MARS1: variants seen among roughly 807,000 people sequenced by gnomAD.
The protein encoded by MARS1 is methionine--tRNA ligase, cytoplasmic.
In MARS1, 80 loss-of-function variants were observed where a neutral mutation model predicts 119.5. The ratio of observed to expected loss-of-function variants is 0.67; its 90% CI spans 0.56 to 0.81. The LOEUF (loss-of-function observed/expected upper bound fraction) is 0.81, where lower values mean the gene tolerates loss of function less well. MARS1 is among the 30% of genes least tolerant of loss of function. The pLI is 0.00. For missense variants in MARS1, 945 were observed against 1,116.5 expected (o/e 0.85, Z 2.19); for synonymous variants, 418 against 433.4 (o/e 0.96, Z 0.44).
intron 7 of MARS1, among the ~76,000 whole-genome samples, chr12:57,495,101 C>G (rs1208687857): frequency 4.1e-5 from 6 of 146,928 alleles, no homozygotes; most frequent in Non-Finnish European, 9.0e-5. Context: ...GGTGCCCCCC[C>G]ACCTCCCGGG....
At chr12:57,489,190 A>T in intron 2 of MARS1, 77 bp from the exon 3 acceptor site, 1 of 1,599,284 alleles carries the variant, frequency 6.3e-7, no homozygotes, top group Non-Finnish European at 8.6e-7. Context: ...ATTTGCAGCC[A>T]TTGTTTCCCT....
At chr12:57,515,490 G>A (rs757238309) in intron 18 of MARS1, 154 bp downstream of exon 18, 9 of 698,180 alleles carry the variant, frequency 1.3e-5, no homozygotes, top group Non-Finnish European at 1.9e-5. Context: ...TCACAAGTCC[G>A]GAATTATCTG....
chr12:57,509,424 T>G (rs1335187656), intron 11 of MARS1, among the ~76,000 whole-genome samples: 1 of 152,198 alleles, frequency 6.6e-6, no homozygotes, highest in East Asian at 1.9e-4. Flanking sequence ...GTTTGTTTGT[T>G]TTGAGACAGG....
intron 10 of MARS1, among the ~76,000 whole-genome samples, chr12:57,502,499 G>T (rs1283783162): frequency 6.6e-6 from 1 of 151,864 alleles, no homozygotes; most frequent in Non-Finnish European, 1.5e-5. Context: ...CTGAGGTCAG[G>T]AGTTCAGACC....
chr12:57,512,944 C>T lies in MARS1; in HGVS notation c.1947C>T (p.Asn649=). ...AGAATAATTCTGAGCTGCTTAACAA[C>T]CTGGGCAACTTCATCAACAGGTAGG... ...LLKNNSELLN[N]LGNFINRAGM... The change falls in exon 15 of 21, where the codon AAC becomes AAT. Residue 649 remains asparagine (N), a synonymous_variant. Coordinates refer to ENST00000262027, the MANE Select transcript of MARS1 (RefSeq NM_004990.4). The T allele has an allele frequency of 1.2e-6, 2 of 1,614,174 alleles. No individual in the cohort carries two copies. Among genetic ancestry groups the T allele is most frequent in the Non-Finnish European group, 1.7e-6 (2 of 1,180,032 alleles).
At chr12:57,491,722 C>A (rs1875970432) in intron 7 of MARS1, among the ~76,000 whole-genome samples, 1 of 152,158 alleles carries the variant, frequency 6.6e-6, no homozygotes, top group East Asian at 1.9e-4. Flanking sequence ...GGCTCAGTAA[C>A]ATATTTTGTC....
intron 7 of MARS1, among the ~76,000 whole-genome samples, chr12:57,495,958 C>T (rs542554153): frequency 1.2e-4 from 18 of 152,342 alleles, no homozygotes; most frequent in African/African-American, 3.4e-4. Context: ...CAGTACAGTC[C>T]GGCCTCGGCT....
chr12:57,490,906 C>T (rs1317370755), intron 7 of MARS1, among the ~76,000 whole-genome samples: 5 of 112,548 alleles, frequency 4.4e-5, no homozygotes, highest in African/African-American at 1.0e-4. Context: ...GGCGGAGTTT[C>T]GCTCTTGTTG....
rs771966153 is a variant in MARS1, at chr12:57,490,615, G to A, written c.741G>A (p.Leu247=). 1 of 1,614,008 alleles carries A rather than the reference G, an allele frequency of 6.2e-7. No individual in the cohort carries two copies. Among genetic ancestry groups the A allele is most frequent in the South Asian group, 1.1e-5 (1 of 91,078 alleles). Residue 247 remains leucine (L), a synonymous_variant, in exon 7 of 21, where the codon TTG becomes TTA. Coordinates refer to ENST00000262027, the MANE Select transcript of MARS1 (RefSeq NM_004990.4). ...CTTGGGAGAAGGGCCTAGAAAGTTT[G>A]CCCCCGCTGCGGCCCCAGCAGAATC... ...VTAWEKGLES[L]PPLRPQQNPV... is the part of the protein sequence containing the mutation.
intron 10 of MARS1, chr12:57,504,022 A>C: frequency 1.7e-6 from 1 of 584,462 alleles, no homozygotes; most frequent in South Asian, 2.0e-5. Context: ...AGAGATCTGA[A>C]ACTCTGAGAA....
intron 15 of MARS1, 105 bp from the exon 16 acceptor site, chr12:57,514,615 C>A: frequency 1.4e-6 from 2 of 1,432,114 alleles, no homozygotes; most frequent in Non-Finnish European, 1.9e-6. Flanking sequence ...AGGCAGGAAT[C>A]CTGAGAGAAT....
At chr12:57,493,982 G>A (rs1315071159) in intron 7 of MARS1, among the ~76,000 whole-genome samples, 6 of 113,720 alleles carry the variant, frequency 5.3e-5, no homozygotes, top group Admixed American at 1.2e-4. Flanking sequence ...TTTAGACAGA[G>A]TTTCGCCTTG....
In MARS1 at chr12:57,514,847, G is replaced by A; in HGVS notation, c.2095G>A (p.Val699Ile). 6.2e-7 allele frequency: 1 copy of A among 1,613,892 alleles called. No individual in the cohort carries two copies. Among genetic ancestry groups the A allele is most frequent in the South Asian group, 1.1e-5 (1 of 91,084 alleles). ...LQHYHQLLEK[V>I]RIRDALRSIL... Reference sequence around the variant, plus strand: ...GCACTATCACCAGCTACTTGAGAAGGTTCGGTAAGTAACTGACACCTCTGT... The same window carrying A: ...GCACTATCACCAGCTACTTGAGAAGATTCGGTAAGTAACTGACACCTCTGT... The change falls in exon 16 of 21, where the codon GTT (valine) becomes ATT (isoleucine). Residue 699 changes from valine to isoleucine, a missense_variant. By Grantham distance (29) the Val-to-Ile change is conservative (BLOSUM62 3). Transcript: ENST00000262027.
Position 57,511,840 on chromosome 12 carries a change from C to A in MARS1, c.1511C>A (p.Pro504His), listed in dbSNP as rs756199344. The A allele has an allele frequency of 3.7e-6, 6 of 1,614,058 alleles. No individual in the cohort carries two copies. The African/African-American group carries it at 8.0e-5, about 22-fold the overall frequency. The change falls in exon 12 of 21, where the codon CCT becomes CAT. Residue 504 changes from proline (P) to histidine (H), a missense_variant. By Grantham distance (77) the Pro-to-His change is moderately conservative. Coordinates refer to ENST00000262027, the MANE Select transcript of MARS1 (RefSeq NM_004990.4). ...CITRDLKWGTPVPLEGFEDKV... is the reference protein window; with the variant it reads ...CITRDLKWGTHVPLEGFEDKV... ...ACCCGAGACCTCAAATGGGGAACCC[C>A]TGTACCCTTAGAAGGTTTTGAAGAC...
At chr12:57,503,381 G>A (rs1877023286) in intron 10 of MARS1, among the ~76,000 whole-genome samples, 3 of 151,784 alleles carry the variant, frequency 2.0e-5, no homozygotes, top group South Asian at 2.1e-4. Flanking sequence ...TTACAGGCAC[G>A]CACTACCAAA....
intron 11 of MARS1, among the ~76,000 whole-genome samples, chr12:57,508,846 G>GC (rs1877375682): frequency 6.6e-6 from 1 of 152,154 alleles, no homozygotes; most frequent in African/African-American, 2.4e-5. Flanking sequence ...ACAGGTGTAA[G>GC]CCACTGCGCC....
In MARS1 at chr12:57,488,164, G is replaced by C. The variant is rs1244393942; in HGVS notation, c.74G>C (p.Arg25Thr). 3.1e-6 allele frequency: 5 copies of C among 1,614,182 alleles called. No individual in the cohort carries two copies. The highest frequency in any genetic ancestry group is 4.2e-6 in the Non-Finnish European group (5 of 1,180,040). ...VLAAAGRARGRAEVLISTVGP... is the reference protein window; with the variant it reads ...VLAAAGRARGTAEVLISTVGP... ...GCCGCCGCCGGGAGAGCCCGGGGCA[G>C]AGCAGAGGTGCTCATCAGCACTGTA... is the stretch of plus-strand genomic sequence containing the variant. The change falls in exon 1 of 21, where the codon AGA becomes ACA. Residue 25 changes from arginine to threonine, a missense_variant. Coordinates refer to ENST00000262027, the MANE Select transcript of MARS1 (RefSeq NM_004990.4).
Position 57,500,393 on chromosome 12 carries a change from A to G in MARS1, c.1164A>G (p.Arg388=), listed in dbSNP as rs1460715874. 2 of 1,614,092 alleles carry G rather than the reference A, an allele frequency of 1.2e-6. No homozygotes were observed. The highest frequency in any genetic ancestry group is 1.7e-6 in the Non-Finnish European group (2 of 1,180,040). Residue 388 remains arginine (R), a synonymous_variant, in exon 10 of 21, where the codon CGA becomes CGG. Transcript: ENST00000262027. Reference sequence around the variant, plus strand: ...TGCAAGATACTGTGGAGCAACTGCGATGTGAGCACTGTGCTCGCTTCCTGG... The same window carrying G: ...TGCAAGATACTGTGGAGCAACTGCGGTGTGAGCACTGTGCTCGCTTCCTGG... ...FVLQDTVEQL[R]CEHCARFLAD... is the part of the protein sequence containing the mutation.
At chr12:57,504,740 G>A (rs1161030880) in intron 11 of MARS1, among the ~76,000 whole-genome samples, 1 of 111,686 alleles carries the variant, frequency 9.0e-6, no homozygotes, top group East Asian at 2.9e-4. Flanking sequence ...TTTCGCTCTT[G>A]TCGCCCAGGC....
Sources: allele counts gnomAD v4.1 joint callset (sites outside exome capture counted in the v4.1 genomes callset), GRCh38; gene constraint gnomAD v4.1.1; transcripts MANE v1.5; gene names NCBI Gene and HGNC (gene_info 2026-07-23, HGNC 2026-07-21).